ACYP2: variants seen among roughly 807,000 people sequenced by gnomAD.
ACYP2 encodes acylphosphatase-2.
In ACYP2, 12 loss-of-function variants were observed where a neutral mutation model predicts 11.2. The observed-to-expected ratio is 1.08, with a 90% CI of 0.69 to 1.74. ACYP2 has a LOEUF of 1.74. Among genes scored for constraint, ACYP2 ranks in the 40% most tolerant of loss-of-function variants. The probability of loss-of-function intolerance (pLI) is 0.00; values close to 1 mark genes in which losing one functional copy is unlikely to be tolerated. For synonymous variants in ACYP2, 43 were observed against 32.2 expected, an observed-to-expected ratio of 1.33 and a Z score of -1.13; for missense variants, 134 against 101.9, an observed-to-expected ratio of 1.31 and a Z score of -1.35.
In ACYP2 at chr2:54,182,312, C is replaced by G. The variant is rs1683778563; in HGVS notation, c.404+43564C>G. ...TGCCCTCATGATCCACCCGCCTCAG[C>G]CTCCCAAAGTGCTGGGATTACAGGG... On this transcript the variant is annotated intron_variant, in intron 6 of 6. Coordinates refer to ENST00000607452, the MANE Select transcript of ACYP2 (RefSeq NM_001320586.2). Among the ~76,000 whole-genome samples the G allele has an allele frequency of 2.0e-5, 3 of 151,860 alleles. 1 individual carries two copies. The South Asian group carries it at 6.2e-4, about 32-fold the overall frequency.
At chr2:54,003,990 G>GT (rs902593981) in intron 2 of ACYP2, among the ~76,000 whole-genome samples, 21 of 149,954 alleles carry the variant, frequency 1.4e-4, no homozygotes, top group Admixed American at 2.7e-4. Flanking sequence ...TTTGTTTTTT[G>GT]TTTTTTTTTC....
At chr2:54,098,434 A>T (rs1282451091) in intron 4 of ACYP2, among the ~76,000 whole-genome samples, 1 of 152,016 alleles carries the variant, frequency 6.6e-6, no homozygotes, top group Admixed American at 6.5e-5. Context: ...CCTGCCATTG[A>T]TTCATTAGAG....
chr2:54,082,280 C>G (rs1322896198), intron 4 of ACYP2, among the ~76,000 whole-genome samples: 2 of 149,802 alleles, frequency 1.3e-5, no homozygotes, highest in Non-Finnish European at 2.9e-5. Flanking sequence ...AAGTCTCACT[C>G]TATCGCCCAG....
At chr2:53,982,015 A>G (rs1185219182) in intron 2 of ACYP2, among the ~76,000 whole-genome samples, 3 of 152,198 alleles carry the variant, frequency 2.0e-5, no homozygotes, top group African/African-American at 4.8e-5. Context: ...ATAATGTAGG[A>G]GGTGACAGCT....
chr2:54,255,567 G>T, intron 6 of ACYP2: 3 of 1,177,046 alleles, frequency 2.5e-6, no homozygotes, highest in Non-Finnish European at 3.5e-6. Context: ...CCACGTTCAG[G>T]GGCCCGGGCC....
chr2:54,183,451 G>A (rs962623099), intron 6 of ACYP2, among the ~76,000 whole-genome samples: 12 of 151,792 alleles, frequency 7.9e-5, no homozygotes, highest in Non-Finnish European at 1.8e-4. Flanking sequence ...AGGATCACTT[G>A]AGCCCAGAAT....
intron 4 of ACYP2, among the ~76,000 whole-genome samples, chr2:54,067,308 G>T (rs1217749206): frequency 6.6e-6 from 1 of 152,108 alleles, no homozygotes; most frequent in African/African-American, 2.4e-5. Flanking sequence ...CCACAAAGCT[G>T]TAAAGCATTG....
At chr2:54,177,437 T>C (rs1049810759) in intron 6 of ACYP2, among the ~76,000 whole-genome samples, 4 of 152,214 alleles carry the variant, frequency 2.6e-5, no homozygotes, top group Non-Finnish European at 5.9e-5. Context: ...AATAGCTCCC[T>C]AGTGCTGCCA....
chr2:54,201,604 C>CTT (rs1368347000), intron 6 of ACYP2, among the ~76,000 whole-genome samples: 1 of 83,978 alleles, frequency 1.2e-5, no homozygotes, highest in South Asian at 5.1e-4. Context: ...CTCTTTCTTT[C>CTT]TTTCTTTCTT....
chr2:54,185,856 T>C (rs1357937046), intron 6 of ACYP2, among the ~76,000 whole-genome samples: 2 of 152,102 alleles, frequency 1.3e-5, no homozygotes, highest in Admixed American at 6.6e-5. Context: ...AAATAAAATA[T>C]GAAGGTGTAG....
rs143936403 is a variant in ACYP2 at position 54,050,671 on chromosome 2, C to T, written c.63-287C>T. ...AAAAAATGCATAGTCATGTATACAC[C>T]GCTCCAGTGCTGGGTAAAACAATTG... On this transcript the variant is annotated intron_variant, in intron 2 of 6. Transcript: ENST00000607452. 3.6e-3 allele frequency among the ~76,000 whole-genome samples: 551 copies of T among 152,132 alleles called. 3 individuals are homozygous for T. The highest frequency in any genetic ancestry group is 6.8e-3 in the Middle Eastern group (2 of 294).
intron 6 of ACYP2, among the ~76,000 whole-genome samples, chr2:54,203,803 CT>C (rs68041536): frequency 7.6e-4 from 113 of 147,908 alleles, no homozygotes; most frequent in East Asian, 2.8e-3. Context: ...CTAATACCCC[CT>C]TTTTTTTTTC....
chr2:54,045,226 C>T (rs766143530), intron 2 of ACYP2, among the ~76,000 whole-genome samples: 29 of 152,244 alleles, frequency 1.9e-4, no homozygotes, highest in Admixed American at 5.2e-4. Context: ...GATCAATGAC[C>T]CCAGTTTTCC....
chr2:54,125,108 A>G (rs947978048), intron 4 of ACYP2, among the ~76,000 whole-genome samples: 12 of 150,390 alleles, frequency 8.0e-5, no homozygotes, highest in Non-Finnish European at 1.5e-4. Flanking sequence ...ACATATGCAC[A>G]TGGATTTAAA....
chr2:54,043,142 T>C (rs1485531666), intron 2 of ACYP2, among the ~76,000 whole-genome samples: 1 of 152,074 alleles, frequency 6.6e-6, no homozygotes, highest in Non-Finnish European at 1.5e-5. Context: ...TGTGTACACA[T>C]AGAAAATGCA....
chr2:54,135,300 T>C (rs2357954), intron 4 of ACYP2, among the ~76,000 whole-genome samples, 153 bp from the exon 2 acceptor site: 69,646 of 151,962 alleles, frequency 0.46, 16,517 homozygotes, highest in East Asian at 0.71. Flanking sequence ...AAATTTAATA[T>C]TGTAGGACCA....
chr2:54,191,380 A>G (rs1310698812), intron 6 of ACYP2, among the ~76,000 whole-genome samples: 1 of 151,990 alleles, frequency 6.6e-6, no homozygotes, highest in African/African-American at 2.4e-5. Context: ...AAACAAACAC[A>G]CAAATGCTGC....
chr2:54,218,753 C>T (rs961478746), intron 6 of ACYP2, among the ~76,000 whole-genome samples: 1 of 152,052 alleles, frequency 6.6e-6, no homozygotes, highest in Non-Finnish European at 1.5e-5. Context: ...TAGCTTTTGT[C>T]CTTGAGATCA....
intron 6 of ACYP2, among the ~76,000 whole-genome samples, chr2:54,235,949 C>T (rs1217267896): frequency 6.6e-6 from 1 of 152,114 alleles, no homozygotes; most frequent in African/African-American, 2.4e-5. Flanking sequence ...TCATTATTCT[C>T]CATGGGGGTT....
Sources: allele counts gnomAD v4.1 joint callset (sites outside exome capture counted in the v4.1 genomes callset), GRCh38; gene constraint gnomAD v4.1.1; transcripts MANE v1.5; gene names NCBI Gene and HGNC (gene_info 2026-07-23, HGNC 2026-07-21).